ZFP36: variants seen among roughly 807,000 people sequenced by gnomAD.
ZFP36 encodes the protein mRNA decay activator protein ZFP36.
ZFP36 carries 13 observed loss-of-function variants against 19.8 expected under a neutral mutation model. The ratio of observed to expected loss-of-function variants is 0.66; its 90% confidence interval spans 0.43 to 1.04. The LOEUF (loss-of-function observed/expected upper bound fraction) is 1.04, where lower values mean the gene tolerates loss of function less well. Among genes scored for constraint, ZFP36 ranks in the 50% least tolerant of loss-of-function variants. The pLI, the probability that ZFP36 is intolerant of heterozygous loss-of-function variation, is 0.00. For synonymous variants in ZFP36, 191 were observed against 194.5 expected, an observed-to-expected ratio of 0.98 and a Z score of 0.15; for missense variants, 354 against 441.6, an observed-to-expected ratio of 0.80 and a Z score of 1.78.
In ZFP36 at chr19:39,408,172, C is replaced by A. The variant is rs771466274; in HGVS notation, c.454C>A (p.Leu152Ile). Reference sequence around the variant, plus strand: ...GACGGAACTCTGTCACAAGTTCTACCTCCAGGGCCGCTGCCCCTACGGCTC... The same window carrying A: ...GACGGAACTCTGTCACAAGTTCTACATCCAGGGCCGCTGCCCCTACGGCTC... ...YKTELCHKFYLQGRCPYGSRC... is the reference protein window; with the variant it reads ...YKTELCHKFYIQGRCPYGSRC... The change falls in exon 2 of 2, where the codon CTC (leucine) becomes ATC (isoleucine). Residue 152 changes from leucine (L) to isoleucine (I), a missense_variant. Coordinates refer to ENST00000597629, the MANE Select transcript of ZFP36 (RefSeq NM_003407.5). This position sits in a 1 kb window ranked among gnomAD's most constrained non-coding sequence, Gnocchi z 6.0. The A allele has an allele frequency of 1.2e-6, 2 of 1,613,918 alleles. No homozygotes were observed. Among genetic ancestry groups the A allele is most frequent in the Middle Eastern group, 3.3e-4 (2 of 6,062 alleles).
rs1343075214 is a variant in ZFP36 at position 39,409,367 on chromosome 19, T to TAAAAA, written c.*668_*669insAAAAA. The TAAAAA allele has an allele frequency of 3.9e-5, 6 of 152,338 alleles. No homozygotes were observed. The highest frequency in any genetic ancestry group is 8.8e-5 in the Non-Finnish European group (6 of 68,112). The allele number at this position is 152,338 out of a possible 1,614,324, so 9.4% of individuals were successfully genotyped here. A position where few individuals can be genotyped will look rare whatever the true frequency, so the allele number is the denominator to read the frequency against. On this transcript the variant is annotated 3_prime_UTR_variant, in exon 2 of 2. Transcript: ENST00000597629. ...TATATTATTACCTTAAAAGTCTATTTTTGTGTTTTGGGCATTTTTAAATAA... is the reference window on the plus strand; with the variant it reads ...TATATTATTACCTTAAAAGTCTATTTAAAAATTGTGTTTTGGGCATTTTTAAATAA...
At position 39,407,105 on chromosome 19, in the gene ZFP36, T is replaced by C; in HGVS notation, c.24+177T>C. Reference sequence around the variant, plus strand: ...TCCCGCTCAGACCAGCTTGGTGATTTGGAGGTGAAAATGGAACCCGCGACA... The same window carrying C: ...TCCCGCTCAGACCAGCTTGGTGATTCGGAGGTGAAAATGGAACCCGCGACA... On this transcript the variant is annotated intron_variant, in intron 1 of 1. Transcript: ENST00000597629. The surrounding 1 kb of genome is among the most constrained non-coding windows in gnomAD (Gnocchi z 7.6). 1.5e-6 allele frequency: 1 copy of C among 683,820 alleles called. No individual in the cohort carries two copies. Among genetic ancestry groups the C allele is most frequent in the Non-Finnish European group, 2.3e-6 (1 of 434,310 alleles). 42.4% of individuals were successfully genotyped at this position (683,820 alleles called of 1,614,324 possible).
chr19:39,408,502 TG>T lies in ZFP36; in HGVS notation c.789del (p.Leu265TrpfsTer101). 1 of 1,604,044 alleles carries T rather than the reference TG, an allele frequency of 6.2e-7. No individual in the cohort carries two copies. On this transcript the variant is annotated frameshift_variant, in exon 2 of 2. Transcript: ENST00000597629. LOFTEE classifies it high-confidence loss of function. The surrounding 1 kb of genome is among the most constrained non-coding windows in gnomAD (Gnocchi z 6.0). ...CCGAAGGGCCACTCCTATCAGCGTC[TG>T]GGGGCCCTTGGGTGGCCTGGTTCGG... The part of the protein sequence containing the change: ...SCRRATPISV[W>X]GPLGGLVRTP...
At position 39,408,706 on chromosome 19, in the gene ZFP36, G is replaced by A; in HGVS notation, c.*7G>A. The A allele has an allele frequency of 6.4e-7, 1 of 1,550,790 alleles. No individual in the cohort carries two copies. The highest frequency in any genetic ancestry group is 1.2e-5 in the South Asian group (1 of 81,154). On this transcript the variant is annotated 3_prime_UTR_variant, in exon 2 of 2. Transcript: ENST00000597629. The surrounding 1 kb of genome is among the most constrained non-coding windows in gnomAD (Gnocchi z 6.0). Reference sequence around the variant, plus strand: ...CATCTCTGTTTCTGAGTGACAAAGTGACTGCCCGGTCAGATCAGCTGGATC... The same window carrying A: ...CATCTCTGTTTCTGAGTGACAAAGTAACTGCCCGGTCAGATCAGCTGGATC...
Position 39,408,680 on chromosome 19 carries a change from G to A in ZFP36, c.962G>A (p.Arg321His), listed in dbSNP as rs371523848. 5 of 1,565,718 alleles carry A rather than the reference G, an allele frequency of 3.2e-6. No homozygotes were observed. Among genetic ancestry groups the A allele is most frequent in the African/African-American group, 2.7e-5 (2 of 73,370 alleles). Residue 321 changes from arginine to histidine, a missense_variant, in exon 2 of 2, where the codon CGC (arginine) becomes CAC (histidine). By Grantham distance (29) the Arg-to-His change is conservative. Transcript: ENST00000597629. This position sits in a 1 kb window ranked among gnomAD's most constrained non-coding sequence, Gnocchi z 6.0. The part of the protein sequence containing the change: ...AAPRRLPIFN[R>H]ISVSE Reference sequence around the variant, plus strand: ...CCCCGGCGACTCCCCATCTTCAATCGCATCTCTGTTTCTGAGTGACAAAGT... The same window carrying A: ...CCCCGGCGACTCCCCATCTTCAATCACATCTCTGTTTCTGAGTGACAAAGT...
In ZFP36 at chr19:39,406,877, G is replaced by A. The variant is rs749723256; in HGVS notation, c.-28G>A. The A allele has an allele frequency of 1.3e-6, 2 of 1,594,010 alleles. No homozygotes were observed. The highest frequency in any genetic ancestry group is 1.1e-5 in the South Asian group (1 of 89,126). On this transcript the variant is annotated 5_prime_UTR_variant, in exon 1 of 2. Transcript: ENST00000597629. ...GACTTCAGCGCTCCCACTCTCGGCCGACACCCCTCATGGCCAACCGTTACA... is the reference window on the plus strand; with the variant it reads ...GACTTCAGCGCTCCCACTCTCGGCCAACACCCCTCATGGCCAACCGTTACA...
rs17885410 is a variant in ZFP36 at position 39,408,537 on chromosome 19, T to C, written c.819T>C (p.Ser273=). The part of the protein sequence containing the change: ...GPLGGLVRTP[S]VQSLGSDPDE... ...TGGGTGGCCTGGTTCGGACCCCCTC[T>C]GTACAGTCCCTGGGATCCGACCCTG... Residue 273 remains serine (S), a synonymous_variant, in exon 2 of 2, where the codon TCT becomes TCC. Transcript: ENST00000597629. The surrounding 1 kb of genome is among the most constrained non-coding windows in gnomAD (Gnocchi z 6.0). The C allele has an allele frequency of 0.029, 46,674 of 1,612,008 alleles. 815 individuals carry two copies. Among genetic ancestry groups the C allele is most frequent in the Middle Eastern group, 0.055 (331 of 6,044 alleles).
At position 39,407,732 on chromosome 19, in the gene ZFP36, C is replaced by T; in HGVS notation, c.25-11C>T. 1 of 1,520,256 alleles carries T rather than the reference C, an allele frequency of 6.6e-7. No homozygotes were observed. The highest frequency in any genetic ancestry group is 8.8e-7 in the Non-Finnish European group (1 of 1,140,136). The allele number at this position is 1,520,256 out of a possible 1,614,324, so 94.2% of individuals were successfully genotyped here. ...GCATTTTCAGGTGCCTTAACCGACCCATTTCCGCAGAGCCTCCTGTCGCTG... is the reference window on the plus strand; with the variant it reads ...GCATTTTCAGGTGCCTTAACCGACCTATTTCCGCAGAGCCTCCTGTCGCTG... On this transcript the variant is annotated splice_polypyrimidine_tract_variant and intron_variant, in intron 1 of 1. Coordinates refer to ENST00000597629, the MANE Select transcript of ZFP36 (RefSeq NM_003407.5). This position sits in a 1 kb window ranked among gnomAD's most constrained non-coding sequence, Gnocchi z 7.6.
chr19:39,408,998 A>C lies in ZFP36; in HGVS notation c.*299A>C. On this transcript the variant is annotated 3_prime_UTR_variant, in exon 2 of 2. Coordinates refer to ENST00000597629, the MANE Select transcript of ZFP36 (RefSeq NM_003407.5). The surrounding 1 kb of genome is among the most constrained non-coding windows in gnomAD (Gnocchi z 6.0). ...CTCTCCCCCACCTCTTCCCTGCCCA[A>C]ATCTGTCTCCTAGAATCTTATGTGC... 1 of 270,540 alleles carries C rather than the reference A, an allele frequency of 3.7e-6. No individual in the cohort carries two copies. 16.8% of individuals were successfully genotyped at this position (270,540 alleles called of 1,614,324 possible).
At position 39,408,564 on chromosome 19, in the gene ZFP36, T is replaced by C. The variant is rs775140920; in HGVS notation, c.846T>C (p.Asp282=). ...PSVQSLGSDP[D]EYASSGSSLG... ...TACAGTCCCTGGGATCCGACCCTGA[T>C]GAATATGCCAGCAGCGGCAGCAGCC... is the stretch of plus-strand genomic sequence containing the variant. The change falls in exon 2 of 2, where the codon GAT becomes GAC. Residue 282 remains aspartate (D), a synonymous_variant. Transcript: ENST00000597629. The surrounding 1 kb of genome is among the most constrained non-coding windows in gnomAD (Gnocchi z 6.0). 6.2e-7 allele frequency: 1 copy of C among 1,613,580 alleles called. No individual in the cohort carries two copies. Among genetic ancestry groups the C allele is most frequent in the Admixed American group, 1.7e-5 (1 of 59,986 alleles).
rs1457307207 is a variant in ZFP36 at position 39,407,331 on chromosome 19, A to G, written c.24+403A>G. On this transcript the variant is annotated intron_variant, in intron 1 of 1. Coordinates refer to ENST00000597629, the MANE Select transcript of ZFP36 (RefSeq NM_003407.5). This position sits in a 1 kb window ranked among gnomAD's most constrained non-coding sequence, Gnocchi z 7.6. ...GGGGGGATCCGACTTCTGTCTCTCCAGTCCCTGACCGTAGAGACAGAGAAC... is the reference window on the plus strand; with the variant it reads ...GGGGGGATCCGACTTCTGTCTCTCCGGTCCCTGACCGTAGAGACAGAGAAC... 6 of 437,894 alleles carry G rather than the reference A, an allele frequency of 1.4e-5. No individual in the cohort carries two copies. Among genetic ancestry groups the G allele is most frequent in the Non-Finnish European group, 2.4e-5 (6 of 249,222 alleles). The allele number at this position is 437,894 out of a possible 1,614,324, so 27.1% of individuals were successfully genotyped here.
chr19:39,408,426 T>C lies in ZFP36; in HGVS notation c.708T>C (p.Pro236=). 6.2e-7 allele frequency: 1 copy of C among 1,613,410 alleles called. No homozygotes were observed. Among genetic ancestry groups the C allele is most frequent in the Non-Finnish European group, 8.5e-7 (1 of 1,179,670 alleles). Residue 236 remains proline (P), a synonymous_variant, in exon 2 of 2, where the codon CCT becomes CCC. Coordinates refer to ENST00000597629, the MANE Select transcript of ZFP36 (RefSeq NM_003407.5). This position sits in a 1 kb window ranked among gnomAD's most constrained non-coding sequence, Gnocchi z 6.0. ...PLSPSAFSAA[P]GTPLARRDPT... ...CACCCTCTGCCTTCTCTGCTGCCCC[T>C]GGCACCCCCCTGGCTCGAAGAGACC... is the stretch of plus-strand genomic sequence containing the variant.
Position 39,407,632 on chromosome 19 carries a change from TG to T in ZFP36, c.25-107del. ...GAACCCAGGGGTTTCTGCGGGCGGG[TG>T]GGGCTCAGGCGGGGAGCCCACAAAC... On this transcript the variant is annotated intron_variant, in intron 1 of 1. Coordinates refer to ENST00000597629, the MANE Select transcript of ZFP36 (RefSeq NM_003407.5). The surrounding 1 kb of genome is among the most constrained non-coding windows in gnomAD (Gnocchi z 7.6). 2 of 971,956 alleles carry T rather than the reference TG, an allele frequency of 2.1e-6. No homozygotes were observed. The highest frequency in any genetic ancestry group is 2.9e-6 in the Non-Finnish European group (2 of 680,966). The allele number at this position is 971,956 out of a possible 1,614,324, so 60.2% of individuals were successfully genotyped here.
chr19:39,408,748 T>C lies in ZFP36; in HGVS notation c.*49T>C. The C allele has an allele frequency of 2.0e-6, 3 of 1,501,360 alleles. No individual in the cohort carries two copies. The highest frequency in any genetic ancestry group is 2.6e-5 in the South Asian group (2 of 77,334). 93.0% of individuals were successfully genotyped at this position (1,501,360 alleles called of 1,614,324 possible). Reference sequence around the variant, plus strand: ...AGCTGGATCTCAGCGGGGAGCCACGTCTCTTGCACTGTGGTCTCTGCATGG... The same window carrying C: ...AGCTGGATCTCAGCGGGGAGCCACGCCTCTTGCACTGTGGTCTCTGCATGG... On this transcript the variant is annotated 3_prime_UTR_variant, in exon 2 of 2. Transcript: ENST00000597629. The surrounding 1 kb of genome is among the most constrained non-coding windows in gnomAD (Gnocchi z 6.0).
chr19:39,408,442 C>T lies in ZFP36; in HGVS notation c.724C>T (p.Arg242Ter). 6.2e-7 allele frequency: 1 copy of T among 1,612,094 alleles called. No homozygotes were observed. The highest frequency in any genetic ancestry group is 8.5e-7 in the Non-Finnish European group (1 of 1,178,880). Residue 242 changes from arginine (R) to a stop codon, truncating the protein, a stop_gained, in exon 2 of 2, where the codon CGA becomes TGA. Transcript: ENST00000597629. LOFTEE classifies it high-confidence loss of function. This position sits in a 1 kb window ranked among gnomAD's most constrained non-coding sequence, Gnocchi z 6.0. ...TGCTGCCCCTGGCACCCCCCTGGCTCGAAGAGACCCCACCCCAGTCTGTTG... is the reference window on the plus strand; with the variant it reads ...TGCTGCCCCTGGCACCCCCCTGGCTTGAAGAGACCCCACCCCAGTCTGTTG... ...FSAAPGTPLA[R>*]RDPTPVCCPS...
chr19:39,408,073 C>T lies in ZFP36; in HGVS notation c.355C>T (p.Arg119Cys), dbSNP rs775523993. ...GACCTTCTCAGAGAGTGGGCGCTGCCGCTACGGGGCCAAGTGCCAGTTTGC... is the reference window on the plus strand; with the variant it reads ...GACCTTCTCAGAGAGTGGGCGCTGCTGCTACGGGGCCAAGTGCCAGTTTGC... ...CRTFSESGRC[R>C]YGAKCQFAHG... is the part of the protein sequence containing the mutation. Residue 119 changes from arginine (R) to cysteine (C), a missense_variant, in exon 2 of 2, where the codon CGC (arginine) becomes TGC (cysteine). Coordinates refer to ENST00000597629, the MANE Select transcript of ZFP36 (RefSeq NM_003407.5). This position sits in a 1 kb window ranked among gnomAD's most constrained non-coding sequence, Gnocchi z 6.0. The T allele has an allele frequency of 9.9e-6, 16 of 1,613,980 alleles. No homozygotes were observed. The highest frequency in any genetic ancestry group is 3.3e-4 in the Middle Eastern group (2 of 6,062).
chr19:39,409,364 A>G lies in ZFP36; in HGVS notation c.*665A>G, dbSNP rs2078493913. The G allele has an allele frequency of 6.6e-6, 1 of 152,194 alleles. No individual in the cohort carries two copies. The highest frequency in any genetic ancestry group is 2.1e-4 in the South Asian group (1 of 4,842). The allele number at this position is 152,194 out of a possible 1,614,324, so 9.4% of individuals were successfully genotyped here. A position where few individuals can be genotyped will look rare whatever the true frequency, so the allele number is the denominator to read the frequency against. On this transcript the variant is annotated 3_prime_UTR_variant, in exon 2 of 2. Transcript: ENST00000597629. Reference sequence around the variant, plus strand: ...ATATATATTATTACCTTAAAAGTCTATTTTTGTGTTTTGGGCATTTTTAAA... The same window carrying G: ...ATATATATTATTACCTTAAAAGTCTGTTTTTGTGTTTTGGGCATTTTTAAA...
At position 39,408,658 on chromosome 19, in the gene ZFP36, C is replaced by G. The variant is rs139438631; in HGVS notation, c.940C>G (p.Arg314Gly). 1 of 1,580,512 alleles carries G rather than the reference C, an allele frequency of 6.3e-7. No individual in the cohort carries two copies. The highest frequency in any genetic ancestry group is 1.2e-5 in the South Asian group (1 of 85,800). ...FAPPQPVAAP[R>G]RLPIFNRISV... ...ACCACCCCAGCCCGTGGCAGCCCCCCGGCGACTCCCCATCTTCAATCGCAT... is the reference window on the plus strand; with the variant it reads ...ACCACCCCAGCCCGTGGCAGCCCCCGGGCGACTCCCCATCTTCAATCGCAT... Residue 314 changes from arginine (R) to glycine (G), a missense_variant, in exon 2 of 2, where the codon CGG becomes GGG. Coordinates refer to ENST00000597629, the MANE Select transcript of ZFP36 (RefSeq NM_003407.5). The surrounding 1 kb of genome is among the most constrained non-coding windows in gnomAD (Gnocchi z 6.0).
Position 39,407,146 on chromosome 19 carries a change from A to C in ZFP36, c.24+218A>C, listed in dbSNP as rs1600633601. The C allele has an allele frequency of 1.8e-6, 1 of 560,648 alleles. No individual in the cohort carries two copies. The allele number at this position is 560,648 out of a possible 1,614,324, so 34.7% of individuals were successfully genotyped here. ...ACCCGCGACACCCGGCTCTTCGCTCAAACATGGGTGGGGCGGCCCATGCAA... is the reference window on the plus strand; with the variant it reads ...ACCCGCGACACCCGGCTCTTCGCTCCAACATGGGTGGGGCGGCCCATGCAA... On this transcript the variant is annotated intron_variant, in intron 1 of 1. Transcript: ENST00000597629. The surrounding 1 kb of genome is among the most constrained non-coding windows in gnomAD (Gnocchi z 7.6).
Sources: gnomAD v4.1 joint callset for allele counts on GRCh38, gnomAD v4.1.1 for gene constraint, Gnocchi (gnomAD v3.1) non-coding constraint, MANE v1.5 for transcripts, NCBI Gene and HGNC (gene_info 2026-07-23, HGNC 2026-07-21) for gene names.